Variants in SFRP1 observed in about 807,000 individuals in gnomAD.
SFRP1 encodes secreted frizzled related protein 1, also known as secreted frizzled-related protein 1.
SFRP1 carries 9 observed loss-of-function variants against 25.9 expected under a neutral mutation model. That is an observed-to-expected ratio of 0.35 (90% CI 0.21 to 0.61). SFRP1 has a LOEUF of 0.61. Ranked by LOEUF, SFRP1 falls within the 20% of genes least tolerant of loss-of-function variation. The pLI, the probability that SFRP1 is intolerant of heterozygous loss-of-function variation, is 0.78. For synonymous variants in SFRP1, 178 were observed against 174.0 expected, an observed-to-expected ratio of 1.02 and a Z score of -0.18; for missense variants, 346 against 418.2, an observed-to-expected ratio of 0.83 and a Z score of 1.51.
rs895342583 is a variant in SFRP1 at position 41,262,911 on chromosome 8, G to A, written c.*2256C>T. The A allele has an allele frequency of 6.6e-6, 1 of 152,182 alleles. No homozygotes were observed. Among genetic ancestry groups the A allele is most frequent in the African/African-American group, 2.4e-5 (1 of 41,446 alleles). 9.4% of individuals were successfully genotyped at this position (152,182 alleles called of 1,614,324 possible). Reference sequence around the variant, plus strand: ...GACACTCAAGGTCCTGGGACTCTGAGACAGACGGTGGTAAAACCCACAGCT... The same window carrying A: ...GACACTCAAGGTCCTGGGACTCTGAAACAGACGGTGGTAAAACCCACAGCT... On this transcript the variant is annotated 3_prime_UTR_variant, in exon 3 of 3. Transcript: ENST00000220772.
At chr8:41,276,116 C>T (rs1803569243) in intron 2 of SFRP1, among the ~76,000 whole-genome samples, 1 of 152,168 alleles carries the variant, frequency 6.6e-6, no homozygotes, top group Non-Finnish European at 1.5e-5. Flanking sequence ...CCCCAATGCA[C>T]CAGTCGCATG....
chr8:41,280,615 C>G (rs143306454), intron 2 of SFRP1, among the ~76,000 whole-genome samples: 3 of 152,164 alleles, frequency 2.0e-5, no homozygotes, highest in African/African-American at 7.2e-5. Context: ...CAATAAAAAC[C>G]CATACGACCC....
At chr8:41,276,907 G>A (rs1164764421) in intron 2 of SFRP1, 4 of 456,122 alleles carry the variant, frequency 8.8e-6, no homozygotes, top group Non-Finnish European at 1.8e-5. Context: ...ACGCACACAC[G>A]CAAGCTCATG....
At chr8:41,305,496 T>G (rs996306620) in intron 1 of SFRP1, among the ~76,000 whole-genome samples, 4 of 152,204 alleles carry the variant, frequency 2.6e-5, no homozygotes, top group African/African-American at 9.6e-5. Context: ...CGGCTGACTC[T>G]GGAGCAGCCT....
At chr8:41,280,636 C>T (rs1327809257) in intron 2 of SFRP1, among the ~76,000 whole-genome samples, 1 of 152,166 alleles carries the variant, frequency 6.6e-6, no homozygotes, top group African/African-American at 2.4e-5. Flanking sequence ...CAACTCTGCA[C>T]GCCCTTTCTA....
intron 2 of SFRP1, among the ~76,000 whole-genome samples, chr8:41,284,430 A>ATT (rs1803673684): frequency 1.3e-5 from 2 of 151,616 alleles, no homozygotes; most frequent in African/African-American, 2.4e-5. Flanking sequence ...CCCCTCCCAC[A>ATT]GCAAACCCCA....
At chr8:41,267,115 T>C (rs1803445283) in intron 2 of SFRP1, among the ~76,000 whole-genome samples, 1 of 152,224 alleles carries the variant, frequency 6.6e-6, no homozygotes, top group Non-Finnish European at 1.5e-5. Flanking sequence ...CAAGTTCTGG[T>C]GAAGTCCTAA....
chr8:41,293,901 C>T (rs950419081), intron 2 of SFRP1, among the ~76,000 whole-genome samples: 9 of 151,960 alleles, frequency 5.9e-5, no homozygotes, highest in Admixed American at 1.3e-4. Flanking sequence ...TAGCTGGGAC[C>T]ACAATGTGCC....
At chr8:41,276,573 C>G (rs1371477357) in intron 2 of SFRP1, among the ~76,000 whole-genome samples, 1 of 152,198 alleles carries the variant, frequency 6.6e-6, no homozygotes, top group African/African-American at 2.4e-5. Flanking sequence ...TCTCCCCTGA[C>G]CACAAGCCAC....
chr8:41,294,897 G>A (rs1803822922), intron 2 of SFRP1, among the ~76,000 whole-genome samples: 1 of 152,116 alleles, frequency 6.6e-6, no homozygotes, highest in African/African-American at 2.4e-5. Flanking sequence ...GGATGAGAAG[G>A]ACCCAGCGTG....
chr8:41,275,154 C>T (rs1440876870), intron 2 of SFRP1: 1 of 447,894 alleles, frequency 2.2e-6, no homozygotes, highest in Non-Finnish European at 4.5e-6. Context: ...TCAACCGATG[C>T]TCAAAAGTGA....
chr8:41,276,957 C>G, intron 2 of SFRP1: 2 of 456,398 alleles, frequency 4.4e-6, no homozygotes, highest in South Asian at 3.1e-5. Flanking sequence ...TCAATGCATA[C>G]ACACCAGCAG....
At chr8:41,298,900 C>T (rs567852451) in intron 2 of SFRP1, among the ~76,000 whole-genome samples, 3 of 152,266 alleles carry the variant, frequency 2.0e-5, no homozygotes, top group East Asian at 3.9e-4. Flanking sequence ...CCACTCATCC[C>T]TTTTCCCTCT....
chr8:41,276,154 G>T (rs35497632), intron 2 of SFRP1, among the ~76,000 whole-genome samples: 43,193 of 152,062 alleles, frequency 0.28, 7,135 homozygotes, highest in Non-Finnish European at 0.37. Context: ...CTACCCCACA[G>T]AGCCTCCAGG....
At chr8:41,293,545 A>G (rs1470744125) in intron 2 of SFRP1, among the ~76,000 whole-genome samples, 1 of 151,790 alleles carries the variant, frequency 6.6e-6, no homozygotes, top group Admixed American at 6.6e-5. Flanking sequence ...GCCCTCCTCT[A>G]CTTTCTCCAT....
chr8:41,307,084 C>A (rs1223981400), intron 1 of SFRP1: 1 of 1,302,990 alleles, frequency 7.7e-7, no homozygotes, highest in Non-Finnish European at 1.0e-6. Context: ...CTGGGCTAAT[C>A]CCCGCTGGCT....
chr8:41,305,458 C>T (rs564155985), intron 1 of SFRP1, among the ~76,000 whole-genome samples: 3 of 152,300 alleles, frequency 2.0e-5, no homozygotes, highest in East Asian at 3.9e-4. Context: ...GTTTTTACCA[C>T]GGCTTTCCCC....
chr8:41,287,552 A>G (rs1803720472), intron 2 of SFRP1, among the ~76,000 whole-genome samples: 1 of 152,182 alleles, frequency 6.6e-6, no homozygotes, highest in South Asian at 2.1e-4. Flanking sequence ...GCCTGGCTCT[A>G]CATCTCAAGC....
At chr8:41,306,635 A>G (rs1046635588) in intron 1 of SFRP1, 9 of 1,481,072 alleles carry the variant, frequency 6.1e-6, no homozygotes, top group Non-Finnish European at 7.2e-6. Flanking sequence ...CACTGAGGGG[A>G]AAACCAGTCC....
Sources: allele counts gnomAD v4.1 joint callset (sites outside exome capture counted in the v4.1 genomes callset), GRCh38; gene constraint gnomAD v4.1.1; transcripts MANE v1.5; gene names NCBI Gene and HGNC (gene_info 2026-07-23, HGNC 2026-07-21).